Variants in MOGS observed in about 807,000 individuals in gnomAD.
The protein encoded by MOGS is mannosyl-oligosaccharide glucosidase, also known as epididymis secretory sperm binding protein.
Under a neutral mutation model 68.5 loss-of-function variants are expected in MOGS, and 45 were observed. The observed-to-expected ratio is 0.66, with a 90% CI of 0.52 to 0.84. The LOEUF is 0.84. Ranked by LOEUF, MOGS falls within the 40% of genes least tolerant of loss-of-function variation. The pLI, the probability that MOGS is intolerant of heterozygous loss-of-function variation, is 0.00. For synonymous variants in MOGS, 492 were observed against 461.2 expected (o/e 1.07, Z -0.86); for missense variants, 1,020 against 1,095.0 (o/e 0.93, Z 0.97).
At position 74,465,327 on chromosome 2, in the gene MOGS, G is replaced by C. The variant is rs556958260; in HGVS notation, c.-80C>G. 1.5e-5 allele frequency: 16 copies of C among 1,060,454 alleles called. No individual in the cohort carries two copies. The South Asian group carries it at 3.4e-4, about 23-fold the overall frequency. The allele number at this position is 1,060,454 out of a possible 1,614,324, so 65.7% of individuals were successfully genotyped here. A position where few individuals can be genotyped will look rare whatever the true frequency, so the allele number is the denominator to read the frequency against. ...GTCCTGCCTCACCTCTCCGGCTCCC[G>C]CCTCTCGCCCTGGCGACCACCGTCC... On this transcript the variant is annotated 5_prime_UTR_variant, in exon 1 of 4. Coordinates refer to ENST00000448666, the MANE Select transcript of MOGS (RefSeq NM_006302.3).
Position 74,465,159 on chromosome 2 carries a change from C to A in MOGS, c.89G>T (p.Arg30Leu), listed in dbSNP as rs1257979415. ...ERAARGGPGR[R>L]DGRGGGPRST... ...ACGCGGCCCGCCGCCCCGGCCGTCC[C>A]GTCGCCCGGGGCCTCCCCGAGCCGC... Residue 30 changes from arginine to leucine, a missense_variant, in exon 1 of 4, where the codon CGG becomes CTG. Coordinates refer to ENST00000448666, the MANE Select transcript of MOGS (RefSeq NM_006302.3). The A allele has an allele frequency of 3.3e-6, 5 of 1,531,404 alleles. No homozygotes were observed. The African/African-American group carries it at 4.2e-5, about 13-fold the overall frequency. 94.9% of individuals were successfully genotyped at this position (1,531,404 alleles called of 1,614,324 possible).
chr2:74,462,601 G>A lies in MOGS; in HGVS notation c.1188C>T (p.Ser396=), dbSNP rs535610745. Residue 396 remains serine, a synonymous_variant, in exon 4 of 4, where the codon AGC becomes AGT. Transcript: ENST00000448666. ...AGTAGCCAATTCCACCAAGGAGGCCGCTGAGGGCAGCCTGACCCAAAACCT... is the reference window on the plus strand; with the variant it reads ...AGTAGCCAATTCCACCAAGGAGGCCACTGAGGGCAGCCTGACCCAAAACCT... ...GEQVLGQAAL[S]GLLGGIGYFY... 5.0e-6 allele frequency: 8 copies of A among 1,614,138 alleles called. No homozygotes were observed. Among genetic ancestry groups the A allele is most frequent in the East Asian group, 4.5e-5 (2 of 44,884 alleles).
In MOGS at chr2:74,461,565, T is replaced by G. The variant is rs1283895621; in HGVS notation, c.2224A>C (p.Asn742His). ...CAGTAGGGGGGATCATGCTCTGAAT[T>G]GCGCTGGCCATAAAAGGAGCTGGAG... ...AASSSFYGQR[N>H]SEHDPPYWRG... The change falls in exon 4 of 4, where the codon AAT becomes CAT. Residue 742 changes from asparagine to histidine, a missense_variant. Asn to His is a moderately conservative substitution (Grantham distance 68, BLOSUM62 1). Around this residue, in one of 3 missense-constraint regions of MOGS, gnomAD observed 270 missense variants for 261.3 expected, o/e 1.03. Transcript: ENST00000448666. 2 of 1,613,924 alleles carry G rather than the reference T, an allele frequency of 1.2e-6. No individual in the cohort carries two copies. The highest frequency in any genetic ancestry group is 3.3e-5 in the Admixed American group (2 of 60,016).
intron 2 of MOGS, among the ~76,000 whole-genome samples, chr2:74,463,907 C>T (rs1671998387): frequency 6.6e-6 from 1 of 151,684 alleles, no homozygotes; most frequent in Admixed American, 6.6e-5. Context: ...TCATGATCCG[C>T]CCGCCTCAGC....
At position 74,461,553 on chromosome 2, in the gene MOGS, CATGCTCTGA is replaced by C. The variant is rs754920983; in HGVS notation, c.2227_2235del (p.Ser743_His745del). 3.1e-6 allele frequency: 5 copies of C among 1,614,046 alleles called. No individual in the cohort carries two copies. The highest frequency in any genetic ancestry group is 4.2e-6 in the Non-Finnish European group (5 of 1,179,948). On this transcript the variant is annotated inframe_deletion, in exon 4 of 4. Transcript: ENST00000448666. ...ACAGCACCCCGCCAGTAGGGGGGATCATGCTCTGAATTGCGCTGGCCATAAAAGGAGCTG... is the reference window on the plus strand; with the variant it reads ...ACAGCACCCCGCCAGTAGGGGGGATCATTGCGCTGGCCATAAAAGGAGCTG...
At position 74,462,903 on chromosome 2, in the gene MOGS, G is replaced by A. The variant is rs752641712; in HGVS notation, c.886C>T (p.Arg296Cys). 9.9e-6 allele frequency: 16 copies of A among 1,614,046 alleles called. No individual in the cohort carries two copies. The highest frequency in any genetic ancestry group is 4.4e-5 in the South Asian group (4 of 91,094). Residue 296 changes from arginine (R) to cysteine (C), a missense_variant, in exon 4 of 4, where the codon CGC becomes TGC. Around this residue, in one of 3 missense-constraint regions of MOGS, gnomAD observed 569 missense variants for 571.9 expected, o/e 0.99. Transcript: ENST00000448666. ...QHRPPGAPPERYLGLPGSLKW... is the reference protein window; with the variant it reads ...QHRPPGAPPECYLGLPGSLKW... ...AGGGATCCTGGCAAGCCGAGGTAGC[G>A]TTCAGGGGGGGCCCCTGGGGGCCGA...
Position 74,464,729 on chromosome 2 carries a change from G to A in MOGS, c.353-7C>T, listed in dbSNP as rs774362792. The A allele has an allele frequency of 6.2e-7, 1 of 1,608,534 alleles. No homozygotes were observed. The highest frequency in any genetic ancestry group is 8.5e-7 in the Non-Finnish European group (1 of 1,176,236). On this transcript the variant is annotated splice_polypyrimidine_tract_variant and splice_region_variant and intron_variant, in intron 1 of 3. Coordinates refer to ENST00000448666, the MANE Select transcript of MOGS (RefSeq NM_006302.3). ...TGCTGCGCCCACATCAGTCCTGGGG[G>A]TAGAATGGCCACGTAAGTCAAAGAG... is the stretch of plus-strand genomic sequence containing the variant.
At chr2:74,463,091 A>C in intron 3 of MOGS, 79 bp from the exon 4 acceptor site, 2 of 1,610,562 alleles carry the variant, frequency 1.2e-6, no homozygotes, top group Non-Finnish European at 1.7e-6. Flanking sequence ...CAAAGTGTTC[A>C]GGAGTCAGGT....
At position 74,461,061 on chromosome 2, in the gene MOGS, G is replaced by C. The variant is rs75220602; in HGVS notation, c.*214C>G. 2 of 671,830 alleles carry C rather than the reference G, an allele frequency of 3.0e-6. No individual in the cohort carries two copies. Among genetic ancestry groups the C allele is most frequent in the Non-Finnish European group, 5.0e-6 (2 of 397,034 alleles). 41.6% of individuals were successfully genotyped at this position (671,830 alleles called of 1,614,324 possible). A position where few individuals can be genotyped will look rare whatever the true frequency, so the allele number is the denominator to read the frequency against. ...AGGCAAATCTGGCAAAAGCAATAGA[G>C]TTCAAAATGTTTTTTCCAATTTATT... On this transcript the variant is annotated 3_prime_UTR_variant, in exon 4 of 4. Transcript: ENST00000448666.
Position 74,461,668 on chromosome 2 carries a change from G to A in MOGS, c.2121C>T (p.Ser707=). 1 of 1,614,232 alleles carries A rather than the reference G, an allele frequency of 6.2e-7. No individual in the cohort carries two copies. The highest frequency in any genetic ancestry group is 8.5e-7 in the Non-Finnish European group (1 of 1,180,038). The change falls in exon 4 of 4, where the codon TCC becomes TCT. Residue 707 remains serine (S), a synonymous_variant. Transcript: ENST00000448666. ...GAATGTCCAGCAGGGGCCCAAGGCG[G>A]GATGAGGTGGGGTCCAGCAGTCGCA... ...LLLRLLDPTS[S]RLGPLLDILA...
Position 74,461,510 on chromosome 2 carries a change from T to C in MOGS, c.2279A>G (p.Tyr760Cys). 1 of 1,613,880 alleles carries C rather than the reference T, an allele frequency of 6.2e-7. No individual in the cohort carries two copies. The highest frequency in any genetic ancestry group is 8.5e-7 in the Non-Finnish European group (1 of 1,179,900). ...WRGAVWLNVN[Y>C]LALGALHHYG... The stretch of plus-strand genomic sequence containing the variant: ...GTGGTGGAGTGCTCCCAAAGCCAGG[T>C]AGTTGACATTGAGCCACACAGCACC... The change falls in exon 4 of 4, where the codon TAC becomes TGC. Residue 760 changes from tyrosine (Y) to cysteine (C), a missense_variant. By Grantham distance (194) the Tyr-to-Cys change is radical. This residue lies in a region of MOGS where 270 missense variants were observed against 261.3 expected (regional missense o/e 1.03). Coordinates refer to ENST00000448666, the MANE Select transcript of MOGS (RefSeq NM_006302.3).
intron 2 of MOGS, chr2:74,463,749 C>T (rs1465752841): frequency 1.4e-5 from 3 of 214,360 alleles, no homozygotes; most frequent in Non-Finnish European, 2.8e-5. Context: ...CTGCAAGCTC[C>T]GCCTCCCAGG....
In MOGS at chr2:74,461,407, A is replaced by G; in HGVS notation, c.2382T>C (p.Asn794=). 6.2e-7 allele frequency: 1 copy of G among 1,614,172 alleles called. No individual in the cohort carries two copies. The highest frequency in any genetic ancestry group is 1.1e-5 in the South Asian group (1 of 91,082). ...HGELRANVVG[N]VWRQYQATGF... is the part of the protein sequence containing the mutation. ...CTGTAGCCTGGTACTGGCGCCATAC[A>G]TTGCCTACCACGTTGGCACGGAGCT... Residue 794 remains asparagine (N), a synonymous_variant, in exon 4 of 4, where the codon AAT becomes AAC. Transcript: ENST00000448666.
rs762725916 is a variant in MOGS, at chr2:74,462,107, C to T, written c.1682G>A (p.Arg561His). ...SQAGPLPLSY[R>H]WRGRDPALPT... The stretch of plus-strand genomic sequence containing the variant: ...TAAGGCAGGGTCCCGTCCCCGCCAG[C>T]GGTAAGATAGTGGCAGTGGGCCTGC... Residue 561 changes from arginine (R) to histidine (H), a missense_variant, in exon 4 of 4, where the codon CGC (arginine) becomes CAC (histidine). Arg to His is a conservative substitution (Grantham distance 29). Around this residue, in one of 3 missense-constraint regions of MOGS, gnomAD observed 181 missense variants for 261.8 expected, o/e 0.69. Coordinates refer to ENST00000448666, the MANE Select transcript of MOGS (RefSeq NM_006302.3). 22 of 1,613,994 alleles carry T rather than the reference C, an allele frequency of 1.4e-5. No homozygotes were observed. Among genetic ancestry groups the T allele is most frequent in the Admixed American group, 1.0e-4 (6 of 60,002 alleles).
rs781096789 is a variant in MOGS, at chr2:74,462,625, C to T, written c.1164G>A (p.Gln388=). The T allele has an allele frequency of 2.3e-5, 37 of 1,614,112 alleles. No individual in the cohort carries two copies. The highest frequency in any genetic ancestry group is 1.6e-4 in the Middle Eastern group (1 of 6,084). Residue 388 remains glutamine, a synonymous_variant, in exon 4 of 4, where the codon CAG becomes CAA. Coordinates refer to ENST00000448666, the MANE Select transcript of MOGS (RefSeq NM_006302.3). ...LKEKGLSSGE[Q]VLGQAALSGL... ...CGCTGAGGGCAGCCTGACCCAAAAC[C>T]TGCTCGCCAGAGCTCAGGCCCTTCT...
Position 74,465,368 on chromosome 2 carries a change from C to A in MOGS, c.-121G>T, listed in dbSNP as rs781562058. ...ACCACCGTCCGGTTAGCGACACCTG[C>A]CAGCCAGCGCCTGCGCCTCCGCCTC... On this transcript the variant is annotated 5_prime_UTR_variant, in exon 1 of 4. Coordinates refer to ENST00000448666, the MANE Select transcript of MOGS (RefSeq NM_006302.3). The A allele has an allele frequency of 2.1e-6, 1 of 475,614 alleles. No homozygotes were observed. The highest frequency in any genetic ancestry group is 4.4e-5 in the Admixed American group (1 of 22,750). The allele number at this position is 475,614 out of a possible 1,614,324, so 29.5% of individuals were successfully genotyped here. A position where few individuals can be genotyped will look rare whatever the true frequency, so the allele number is the denominator to read the frequency against.
chr2:74,461,719 G>C lies in MOGS; in HGVS notation c.2070C>G (p.Gly690=). 1 of 1,614,218 alleles carries C rather than the reference G, an allele frequency of 6.2e-7. No individual in the cohort carries two copies. The highest frequency in any genetic ancestry group is 8.5e-7 in the Non-Finnish European group (1 of 1,180,046). Residue 690 remains glycine (G), a synonymous_variant, in exon 4 of 4, where the codon GGC becomes GGG. Coordinates refer to ENST00000448666, the MANE Select transcript of MOGS (RefSeq NM_006302.3). ...GCAGCAAGGGAAAAAGACTGACATA[G>C]CCAAGAGCATCTACATACTGCAGTT... The part of the protein sequence containing the change: ...QPQLQYVDAL[G]YVSLFPLLLR...
Position 74,462,791 on chromosome 2 carries a change from T to G in MOGS, c.998A>C (p.Glu333Ala). The G allele has an allele frequency of 1.9e-6, 3 of 1,614,140 alleles. No homozygotes were observed. Among genetic ancestry groups the G allele is most frequent in the Non-Finnish European group, 1.7e-6 (2 of 1,180,022 alleles). The change falls in exon 4 of 4, where the codon GAG (glutamate) becomes GCG (alanine). Residue 333 changes from glutamate to alanine, a missense_variant. Around this residue, in one of 3 missense-constraint regions of MOGS, gnomAD observed 569 missense variants for 571.9 expected, o/e 0.99. Transcript: ENST00000448666. Reference protein sequence around the residue: ...QVTLKIPISIEFVFESGSAQA... With the variant: ...QVTLKIPISIAFVFESGSAQA... ...GGCACTGCCTGATTCAAACACAAAC[T>G]CTATGGAAATGGGAATTTTCAGGGT...
chr2:74,462,096 G>A lies in MOGS; in HGVS notation c.1693C>T (p.Arg565Trp), dbSNP rs745841543. Reference sequence around the variant, plus strand: ...AGTAAGGTTGGTAAGGCAGGGTCCCGTCCCCGCCAGCGGTAAGATAGTGGC... The same window carrying A: ...AGTAAGGTTGGTAAGGCAGGGTCCCATCCCCGCCAGCGGTAAGATAGTGGC... ...PLPLSYRWRG[R>W]DPALPTLLNP... Residue 565 changes from arginine to tryptophan, a missense_variant, in exon 4 of 4, where the codon CGG (arginine) becomes TGG (tryptophan). Physicochemically the swap from Arg to Trp is moderately radical, Grantham distance 101. Transcript: ENST00000448666. The A allele has an allele frequency of 2.4e-5, 39 of 1,614,000 alleles. No homozygotes were observed. The highest frequency in any genetic ancestry group is 3.3e-5 in the South Asian group (3 of 91,086).
Sources: gnomAD v4.1 joint callset for allele counts (sites outside exome capture counted in the v4.1 genomes callset) on GRCh38, gnomAD v4.1.1 for gene constraint, gnomAD v4.1.1 regional missense constraint, MANE v1.5 for transcripts, NCBI Gene and HGNC (gene_info 2026-07-23, HGNC 2026-07-21) for gene names.